Variants in PLA2R1 observed in about 807,000 individuals in gnomAD.
PLA2R1 encodes secretory phospholipase A2 receptor.
Under a neutral mutation model 195.9 loss-of-function variants are expected in PLA2R1, and 158 were observed. That is an observed-to-expected ratio of 0.81 (90% CI 0.71 to 0.92). The LOEUF (loss-of-function observed/expected upper bound fraction) is 0.92. PLA2R1 is among the 40% of genes least tolerant of loss of function. The pLI is 0.00. For synonymous variants in PLA2R1, 586 were observed against 598.2 expected (o/e 0.98, Z 0.30); for missense variants, 1,626 against 1,764.6 (o/e 0.92, Z 1.41).
chr2:160,006,980 A>G (rs894951462), intron 10 of PLA2R1, among the ~76,000 whole-genome samples: 9 of 152,226 alleles, frequency 5.9e-5, no homozygotes, highest in African/African-American at 2.2e-4. Context: ...CAACATTTAG[A>G]GATCTTAGGT....
chr2:160,027,613 A>T (rs1050405526), intron 6 of PLA2R1, among the ~76,000 whole-genome samples: 2 of 152,200 alleles, frequency 1.3e-5, no homozygotes, highest in Non-Finnish European at 2.9e-5. Context: ...ATGATTCTTT[A>T]AAAAATGGTT....
At chr2:159,982,006 T>C (rs1248335066) in intron 13 of PLA2R1, among the ~76,000 whole-genome samples, 1 of 152,192 alleles carries the variant, frequency 6.6e-6, no homozygotes, top group Non-Finnish European at 1.5e-5. Context: ...TGAAGATCCA[T>C]GATTTAGCTT....
rs757108079 is a variant in PLA2R1, at chr2:159,977,376, T to C, written c.2309A>G (p.Asp770Gly). ...SFLDNTYFGE[D>G]ARNCAVYKAN... ...CTTATAAACAGCACAGTTTCTTGCA[T>C]CTTCTCCAAAATAAGTGTTGTCTAA... The change falls in exon 15 of 30, where the codon GAT becomes GGT. Residue 770 changes from aspartate (D) to glycine (G), a missense_variant. Physicochemically the swap from Asp to Gly is moderately conservative, Grantham distance 94. Coordinates refer to ENST00000283243, the MANE Select transcript of PLA2R1 (RefSeq NM_007366.5). The C allele has an allele frequency of 1.2e-6, 2 of 1,613,084 alleles. No individual in the cohort carries two copies. The highest frequency in any genetic ancestry group is 1.7e-5 in the Admixed American group (1 of 60,006).
intron 9 of PLA2R1, among the ~76,000 whole-genome samples, chr2:160,015,459 A>G (rs549020517): frequency 6.6e-6 from 1 of 152,360 alleles, no homozygotes; most frequent in East Asian, 1.9e-4. Flanking sequence ...GAAACTTTAA[A>G]TACTGGTAAT....
chr2:160,013,222 G>T (rs1389281296), intron 10 of PLA2R1, 41 bp downstream of exon 10: 1 of 981,648 alleles, frequency 1.0e-6, no homozygotes, highest in Non-Finnish European at 1.6e-6. Context: ...GAGTCCTCAT[G>T]TGAAAGCCGT....
chr2:160,017,227 A>G (rs1434503714), intron 8 of PLA2R1, among the ~76,000 whole-genome samples: 2 of 152,134 alleles, frequency 1.3e-5, no homozygotes, highest in Admixed American at 1.3e-4. Context: ...AAGCACCTGG[A>G]GGGCTAACTG....
At chr2:159,946,341 T>C (rs1687387566) in intron 27 of PLA2R1, 5 of 984,494 alleles carry the variant, frequency 5.1e-6, no homozygotes, top group Non-Finnish European at 6.0e-6. Flanking sequence ...ATCAATTACA[T>C]AAAGAAAAGA....
Position 159,970,118 on chromosome 2 carries a change from A to C in PLA2R1, c.2660+30T>G, listed in dbSNP as rs780503941. 1.8e-5 allele frequency: 27 copies of C among 1,467,134 alleles called. 2 individuals are homozygous for C. In the South Asian group the frequency reaches 3.0e-4, roughly 16 times the overall value. The allele number at this position is 1,467,134 out of a possible 1,614,324, so 90.9% of individuals were successfully genotyped here. ...TCTGCAAATAAAACCTGTCAAACAA[A>C]ATTAAATGCAAATGAATCTAGGTTC... On this transcript the variant is annotated intron_variant, in intron 18 of 29. Transcript: ENST00000283243.
chr2:159,979,216 T>C (rs1226242408), intron 14 of PLA2R1, among the ~76,000 whole-genome samples: 1 of 152,198 alleles, frequency 6.6e-6, no homozygotes, highest in East Asian at 1.9e-4. Context: ...GTTTTTTCCC[T>C]GTCATTTTGA....
chr2:160,033,032 T>C lies in PLA2R1; in HGVS notation c.768A>G (p.Ala256=), dbSNP rs769505521. Reference sequence around the variant, plus strand: ...CTCCTTGCATCTGGCATGAAGAATGTGCCTCACTCCAAGAGAGAGATGAAA... The same window carrying C: ...CTCCTTGCATCTGGCATGAAGAATGCGCCTCACTCCAAGAGAGAGATGAAA... ...NLLSSLSWSE[A]HSSCQMQGGT... is the part of the protein sequence containing the mutation. Residue 256 remains alanine, a synonymous_variant, in exon 4 of 30, where the codon GCA becomes GCG. Coordinates refer to ENST00000283243, the MANE Select transcript of PLA2R1 (RefSeq NM_007366.5). The C allele has an allele frequency of 6.2e-7, 1 of 1,613,514 alleles. No individual in the cohort carries two copies. Among genetic ancestry groups the C allele is most frequent in the East Asian group, 2.2e-5 (1 of 44,852 alleles).
At chr2:160,053,642 C>T (rs1029340840) in intron 1 of PLA2R1, among the ~76,000 whole-genome samples, 5 of 152,350 alleles carry the variant, frequency 3.3e-5, no homozygotes, top group Non-Finnish European at 5.9e-5. Flanking sequence ...TGCACTGCCC[C>T]GAAATGCTAC....
chr2:160,051,718 T>C (rs1410763943), intron 1 of PLA2R1, among the ~76,000 whole-genome samples: 1 of 152,210 alleles, frequency 6.6e-6, no homozygotes, highest in Non-Finnish European at 1.5e-5. Flanking sequence ...TCTGTATTCT[T>C]AATATGACCT....
chr2:159,964,918 C>G lies in PLA2R1; in HGVS notation c.2904+2621G>C, dbSNP rs779983708. 1.2e-3 allele frequency among the ~76,000 whole-genome samples: 189 copies of G among 151,994 alleles called. 5 individuals carry two copies. The highest frequency in any genetic ancestry group is 6.2e-4 in the South Asian group (3 of 4,822). ...GGCAGGCACCTGTAACCCCAGCTAC[C>G]TGGGAGGCTGAGGCAAGAGAATCAC... is the stretch of plus-strand genomic sequence containing the variant. On this transcript the variant is annotated intron_variant, in intron 20 of 29. Coordinates refer to ENST00000283243, the MANE Select transcript of PLA2R1 (RefSeq NM_007366.5).
chr2:159,930,915 C>A (rs1203064494), downstream of PLA2R1, among the ~76,000 whole-genome samples: 1 of 152,214 alleles, frequency 6.6e-6, no homozygotes, highest in Non-Finnish European at 1.5e-5. Flanking sequence ...AAATCAAGTT[C>A]CAATCTGACA....
rs569046208 is a variant in PLA2R1, at chr2:159,940,736, AAGG to A, written c.*1039_*1041del. ...ATCTACACTAACTAGACTAATATAAAAGGAGATCGTTCCCAGAAAATAGTTTAT... is the reference window on the plus strand; with the variant it reads ...ATCTACACTAACTAGACTAATATAAAAGATCGTTCCCAGAAAATAGTTTAT... On this transcript the variant is annotated 3_prime_UTR_variant, in exon 30 of 30. Coordinates refer to ENST00000283243, the MANE Select transcript of PLA2R1 (RefSeq NM_007366.5). The A allele has an allele frequency of 7.5e-4, 114 of 152,312 alleles. No homozygotes were observed. The highest frequency in any genetic ancestry group is 2.5e-3 in the African/African-American group (106 of 41,576). The allele number at this position is 152,312 out of a possible 1,614,324, so 9.4% of individuals were successfully genotyped here.
At chr2:159,959,482 C>T (rs1423314987) in intron 20 of PLA2R1, among the ~76,000 whole-genome samples, 1 of 152,176 alleles carries the variant, frequency 6.6e-6, no homozygotes, top group African/African-American at 2.4e-5. Context: ...AGATGAAGTA[C>T]AGCATCCTTA....
intron 9 of PLA2R1, among the ~76,000 whole-genome samples, chr2:160,016,263 C>CAAAAAAAAAAAAA (rs11396932): frequency 9.7e-6 from 1 of 103,134 alleles, no homozygotes; most frequent in Non-Finnish European, 1.9e-5. Flanking sequence ...GACTCTGTCT[C>CAAAAAAAAAAAAA]AAAAAAAAAA....
In PLA2R1 at chr2:160,010,837, G is replaced by A. The variant is rs895464808; in HGVS notation, c.1664+2426C>T. On this transcript the variant is annotated intron_variant, in intron 10 of 29. Transcript: ENST00000283243. ...TCTTTCTTCAACTCATGAGTCCTGT[G>A]TTGGAGTTGCTGCTTTGAATGTAGA... 2.6e-5 allele frequency among the ~76,000 whole-genome samples: 4 copies of A among 152,310 alleles called. No homozygotes were observed. The East Asian group carries it at 7.7e-4, about 29-fold the overall frequency.
chr2:159,960,083 C>A (rs1688338023), intron 20 of PLA2R1, among the ~76,000 whole-genome samples: 1 of 152,178 alleles, frequency 6.6e-6, no homozygotes, highest in South Asian at 2.1e-4. Flanking sequence ...AGAAGTCCAA[C>A]ACGGTATCAC....
Sources: gnomAD v4.1 joint callset for allele counts (sites outside exome capture counted in the v4.1 genomes callset) on GRCh38, gnomAD v4.1.1 for gene constraint, MANE v1.5 for transcripts, NCBI Gene and HGNC (gene_info 2026-07-23, HGNC 2026-07-21) for gene names.